The following MGMT variants were observed in gnomAD, a reference collection of about 807,000 sequenced individuals.
MGMT encodes the protein methylated-DNA--protein-cysteine methyltransferase.
A neutral mutation model predicts 15.9 loss-of-function variants in MGMT; 14 were observed. That is an observed-to-expected ratio of 0.88 (90% confidence interval 0.58 to 1.37). The LOEUF is 1.37. MGMT is among the 40% of genes most tolerant of loss of function. MGMT has a pLI of 0.00. For synonymous variants in MGMT, 130 were observed against 118.2 expected, an observed-to-expected ratio of 1.10 and a Z score of -0.65; for missense variants, 282 against 268.1, an observed-to-expected ratio of 1.05 and a Z score of -0.36.
At chr10:129,763,349 A>G (rs1175066301) in intron 4 of MGMT, among the ~76,000 whole-genome samples, 1 of 152,198 alleles carries the variant, frequency 6.6e-6, no homozygotes, top group South Asian at 2.1e-4. Context: ...GAAACCTGCC[A>G]CCAAAATTCA....
chr10:129,657,130 G>C (rs1389738922), intron 2 of MGMT, among the ~76,000 whole-genome samples: 7 of 152,018 alleles, frequency 4.6e-5, no homozygotes, highest in African/African-American at 1.4e-4. Flanking sequence ...GTTTCATTTG[G>C]GGACAGATAC....
intron 2 of MGMT, among the ~76,000 whole-genome samples, chr10:129,692,325 C>T (rs889174565): frequency 7.9e-5 from 12 of 152,060 alleles, no homozygotes; most frequent in Admixed American, 6.5e-4. Context: ...AAGAAAAGCT[C>T]GGGGCAGTAT....
At chr10:129,749,654 A>C (rs192470550) in intron 3 of MGMT, among the ~76,000 whole-genome samples, 21 of 152,294 alleles carry the variant, frequency 1.4e-4, no homozygotes, top group African/African-American at 5.1e-4. Flanking sequence ...TGCAATTGCC[A>C]GATCACATGG....
intron 2 of MGMT, among the ~76,000 whole-genome samples, chr10:129,636,650 G>A (rs1564744130): frequency 1.3e-5 from 2 of 152,180 alleles, no homozygotes; most frequent in African/African-American, 2.4e-5. Context: ...TTGATTTCCT[G>A]TGAACTCTAT....
intron 1 of MGMT, among the ~76,000 whole-genome samples, chr10:129,469,087 T>G (rs187621358): frequency 2.0e-5 from 3 of 152,252 alleles, no homozygotes; most frequent in Non-Finnish European, 4.4e-5. Context: ...TTTCGTTGTT[T>G]GGGTTTCCTC....
intron 2 of MGMT, among the ~76,000 whole-genome samples, chr10:129,624,282 G>A (rs1432364279): frequency 6.6e-6 from 1 of 152,162 alleles, no homozygotes; most frequent in Non-Finnish European, 1.5e-5. Context: ...TGCTCCCCCG[G>A]GGACAGTTTC....
intron 2 of MGMT, among the ~76,000 whole-genome samples, chr10:129,543,703 A>T (rs975575098): frequency 6.6e-6 from 1 of 152,136 alleles, no homozygotes; most frequent in African/African-American, 2.4e-5. Flanking sequence ...AAAAAAAGCA[A>T]TGCAAAAGTT....
chr10:129,520,800 TGC>T (rs1845798552), intron 1 of MGMT, among the ~76,000 whole-genome samples: 1 of 149,758 alleles, frequency 6.7e-6, no homozygotes, highest in African/African-American at 2.5e-5. Context: ...ATGGTGCGGG[TGC>T]AGAGCCCCTA....
chr10:129,640,573 A>C (rs1847316799), intron 2 of MGMT, among the ~76,000 whole-genome samples: 1 of 142,488 alleles, frequency 7.0e-6, no homozygotes, highest in Non-Finnish European at 1.5e-5. Context: ...TCTGTTCTAG[A>C]AAATTCTTCC....
chr10:129,665,342 CAG>C (rs1194236700), intron 2 of MGMT, among the ~76,000 whole-genome samples: 12 of 150,636 alleles, frequency 8.0e-5, no homozygotes, highest in Non-Finnish European at 1.5e-4. Context: ...TGGCTTTACT[CAG>C]AGTCTCCCCA....
At chr10:129,733,556 T>C (rs1280935839) in intron 3 of MGMT, among the ~76,000 whole-genome samples, 1 of 151,588 alleles carries the variant, frequency 6.6e-6, no homozygotes, top group African/African-American at 2.4e-5. Context: ...AGAAGCTCTT[T>C]AGTTTAATTA....
In MGMT at chr10:129,497,874, C is replaced by T. The variant is rs527505700; in HGVS notation, c.-13+30578C>T. Among the ~76,000 whole-genome samples, 16 of 152,310 alleles carry T rather than the reference C, an allele frequency of 1.1e-4. No individual in the cohort carries two copies. The South Asian group carries it at 3.3e-3, about 32-fold the overall frequency. ...TGCTCTCTGTGAACCAGGAAGAGGG[C>T]CCTTATCAGACACGGGCTCTGGCGG... On this transcript the variant is annotated intron_variant, in intron 1 of 4. Coordinates refer to ENST00000651593, the MANE Select transcript of MGMT (RefSeq NM_002412.5).
At chr10:129,596,095 G>T (rs533255311) in intron 2 of MGMT, among the ~76,000 whole-genome samples, 1 of 139,976 alleles carries the variant, frequency 7.1e-6, no homozygotes, top group African/African-American at 2.5e-5. Flanking sequence ...CCCCTGCCCC[G>T]CCCTGCCCCT....
intron 1 of MGMT, among the ~76,000 whole-genome samples, chr10:129,519,474 C>T (rs532745317): frequency 5.1e-4 from 77 of 152,308 alleles, no homozygotes; most frequent in South Asian, 2.1e-3. Flanking sequence ...GGAAGCGGGG[C>T]GCACTTCCTC....
chr10:129,526,851 A>G (rs1347363874), intron 1 of MGMT, among the ~76,000 whole-genome samples: 3 of 152,254 alleles, frequency 2.0e-5, no homozygotes, highest in African/African-American at 7.2e-5. Flanking sequence ...CTTCCTTTTA[A>G]TATGGCAGGA....
chr10:129,769,061 C>G lies in MGMT; in HGVS notation c.*2064C>G, dbSNP rs1310447738. 6.5e-6 allele frequency: 1 copy of G among 152,708 alleles called. No homozygotes were observed. The highest frequency in any genetic ancestry group is 2.4e-5 in the African/African-American group (1 of 41,472). 9.5% of individuals were successfully genotyped at this position (152,708 alleles called of 1,614,324 possible). A position where few individuals can be genotyped will look rare whatever the true frequency, so the allele number is the denominator to read the frequency against. Reference sequence around the variant, plus strand: ...AGCTCCTGGTGGCAGGGGACCTGCCCGTCAAAGCCGTCCAAGGTGAGCCAG... The same window carrying G: ...AGCTCCTGGTGGCAGGGGACCTGCCGGTCAAAGCCGTCCAAGGTGAGCCAG... On this transcript the variant is annotated 3_prime_UTR_variant, in exon 5 of 5. Coordinates refer to ENST00000651593, the MANE Select transcript of MGMT (RefSeq NM_002412.5).
chr10:129,636,179 T>C (rs1228900517), intron 2 of MGMT, among the ~76,000 whole-genome samples: 2 of 152,198 alleles, frequency 1.3e-5, no homozygotes, highest in African/African-American at 2.4e-5. Flanking sequence ...ATTTTTGTGG[T>C]GTAGAAACCC....
chr10:129,589,765 G>A (rs1426606993), intron 2 of MGMT, among the ~76,000 whole-genome samples: 2 of 152,238 alleles, frequency 1.3e-5, no homozygotes, highest in Non-Finnish European at 2.9e-5. Flanking sequence ...CCAGCTTCCA[G>A]CAGGGAGACC....
intron 1 of MGMT, among the ~76,000 whole-genome samples, chr10:129,527,611 T>C (rs938941614): frequency 5.3e-5 from 8 of 152,108 alleles, no homozygotes; most frequent in Non-Finnish European, 1.2e-4. Flanking sequence ...CACAGCACGC[T>C]TATAGCCAGA....
Sources: allele counts gnomAD v4.1 joint callset (sites outside exome capture counted in the v4.1 genomes callset), GRCh38; gene constraint gnomAD v4.1.1; transcripts MANE v1.5; gene names NCBI Gene and HGNC (gene_info 2026-07-23, HGNC 2026-07-21).